PPP3CA: variants seen among roughly 807,000 people sequenced by gnomAD.
PPP3CA encodes protein phosphatase 3 catalytic subunit alpha, also known as CAM-PRP catalytic subunit.
PPP3CA carries 14 observed loss-of-function variants against 66.5 expected under a neutral mutation model. That is an observed-to-expected ratio of 0.21 (90% CI 0.14 to 0.33). PPP3CA has a LOEUF of 0.33. Among genes scored for constraint, PPP3CA ranks in the 10% least tolerant of loss-of-function variants. The pLI, the probability that PPP3CA is intolerant of heterozygous loss-of-function variation, is 1.00. For synonymous variants in PPP3CA, 232 were observed against 226.2 expected, an observed-to-expected ratio of 1.03 and a Z score of -0.23; for missense variants, 317 against 639.5, an observed-to-expected ratio of 0.50 and a Z score of 5.44.
chr4:101,093,185 T>C (rs1292257054), intron 6 of PPP3CA, among the ~76,000 whole-genome samples: 1 of 152,222 alleles, frequency 6.6e-6, no homozygotes, highest in African/African-American at 2.4e-5. Flanking sequence ...GGTTTTGATT[T>C]GCATTTCTCT....
chr4:101,201,222 T>C (rs930498705), intron 1 of PPP3CA, among the ~76,000 whole-genome samples: 6 of 152,240 alleles, frequency 3.9e-5, no homozygotes, highest in Non-Finnish European at 7.3e-5. Context: ...GACAGTGGTA[T>C]TCTAGACCCT....
intron 2 of PPP3CA, among the ~76,000 whole-genome samples, chr4:101,176,854 T>C (rs1024846986): frequency 2.0e-5 from 3 of 152,158 alleles, no homozygotes; most frequent in Non-Finnish European, 4.4e-5. Context: ...TCAATAGATA[T>C]ACGATATACT....
At chr4:101,153,447 A>C (rs772842705) in intron 2 of PPP3CA, among the ~76,000 whole-genome samples, 29 of 152,342 alleles carry the variant, frequency 1.9e-4, no homozygotes, top group Non-Finnish European at 4.3e-4. Flanking sequence ...AAGATTTCTG[A>C]AGATACTATA....
intron 1 of PPP3CA, among the ~76,000 whole-genome samples, chr4:101,196,463 A>G (rs1213851422): frequency 2.6e-5 from 4 of 152,118 alleles, no homozygotes; most frequent in Non-Finnish European, 5.9e-5. Flanking sequence ...TATACATCCA[A>G]CCATAACCAA....
intron 8 of PPP3CA, among the ~76,000 whole-genome samples, chr4:101,075,572 T>A (rs572853127): frequency 8.5e-5 from 13 of 152,336 alleles, no homozygotes; most frequent in Non-Finnish European, 1.5e-4. Flanking sequence ...TAGATTCTTT[T>A]GAAGCACAGG....
intron 2 of PPP3CA, among the ~76,000 whole-genome samples, chr4:101,155,777 T>A (rs556522980): frequency 3.3e-5 from 5 of 152,358 alleles, no homozygotes; most frequent in Admixed American, 3.3e-4. Flanking sequence ...TAATTTTTAT[T>A]TTAACTTGAA....
intron 2 of PPP3CA, among the ~76,000 whole-genome samples, chr4:101,150,358 A>G (rs1408519220): frequency 1.3e-5 from 2 of 152,216 alleles, no homozygotes; most frequent in African/African-American, 4.8e-5. Flanking sequence ...TCTAGGCAGT[A>G]TTGTGCAGTG....
At chr4:101,092,947 T>G (rs1730023770) in intron 6 of PPP3CA, among the ~76,000 whole-genome samples, 1 of 152,226 alleles carries the variant, frequency 6.6e-6, no homozygotes, top group Non-Finnish European at 1.5e-5. Context: ...AGTAGAATGA[T>G]ATATAATCCT....
At chr4:101,140,284 G>A (rs147610584) in intron 2 of PPP3CA, among the ~76,000 whole-genome samples, 171 of 152,244 alleles carry the variant, frequency 1.1e-3, no homozygotes, top group Non-Finnish European at 1.8e-3. Flanking sequence ...AGATTTTAGT[G>A]TATATCCATG....
In PPP3CA at chr4:101,213,015, C is replaced by T. The variant is rs185588789; in HGVS notation, c.59-16899G>A. 2.6e-5 allele frequency among the ~76,000 whole-genome samples: 4 copies of T among 152,194 alleles called. No homozygotes were observed. In the East Asian group the frequency reaches 5.8e-4, roughly 22 times the overall value. On this transcript the variant is annotated intron_variant, in intron 1 of 13. Coordinates refer to ENST00000394854, the MANE Select transcript of PPP3CA (RefSeq NM_000944.5). ...CAACATTTTTCCTATAAAACTCAGT[C>T]CTCCTGACACATCTTAAAGTATGTC...
chr4:101,322,293 C>G (rs1218607927), intron 1 of PPP3CA, among the ~76,000 whole-genome samples: 3 of 152,010 alleles, frequency 2.0e-5, no homozygotes, highest in Admixed American at 2.0e-4. Context: ...AGAGATACAG[C>G]CTTTGGGGTA....
chr4:101,175,387 T>C (rs555647974), intron 2 of PPP3CA, among the ~76,000 whole-genome samples: 2 of 152,294 alleles, frequency 1.3e-5, no homozygotes, highest in East Asian at 1.9e-4. Context: ...CCTTGTTAGC[T>C]GATGCATTTT....
intron 2 of PPP3CA, among the ~76,000 whole-genome samples, chr4:101,120,052 TAAGA>T (rs1188225705): frequency 6.6e-6 from 1 of 152,072 alleles, no homozygotes; most frequent in Admixed American, 6.6e-5. Flanking sequence ...GAAAATCTGT[TAAGA>T]AAAAGTGTTA....
chr4:101,235,264 A>G (rs536024565), intron 1 of PPP3CA, among the ~76,000 whole-genome samples: 1 of 151,992 alleles, frequency 6.6e-6, no homozygotes, highest in East Asian at 1.9e-4. Context: ...TTAGGAGTAA[A>G]TTTAAAGGAG....
At chr4:101,258,756 T>C (rs918617392) in intron 1 of PPP3CA, among the ~76,000 whole-genome samples, 3 of 152,116 alleles carry the variant, frequency 2.0e-5, no homozygotes, top group African/African-American at 7.2e-5. Context: ...AGCCTGGCTC[T>C]TCTCTCAAGC....
chr4:101,275,563 A>C (rs1200721674), intron 1 of PPP3CA, among the ~76,000 whole-genome samples: 2 of 152,354 alleles, frequency 1.3e-5, no homozygotes, highest in East Asian at 3.9e-4. Flanking sequence ...GGCTTATCTG[A>C]GAAAAACAAC....
chr4:101,141,929 A>G (rs1271060227), intron 2 of PPP3CA, among the ~76,000 whole-genome samples: 1 of 152,206 alleles, frequency 6.6e-6, no homozygotes, highest in Non-Finnish European at 1.5e-5. Flanking sequence ...TGGTAAATAT[A>G]ATCTCAGATT....
At chr4:101,120,167 G>A (rs767954529) in intron 2 of PPP3CA, among the ~76,000 whole-genome samples, 5 of 151,956 alleles carry the variant, frequency 3.3e-5, no homozygotes, top group African/African-American at 4.8e-5. Flanking sequence ...TCACTAGGTA[G>A]ATATTCCAGA....
chr4:101,198,621 C>G (rs1724873829), intron 1 of PPP3CA, among the ~76,000 whole-genome samples: 1 of 152,110 alleles, frequency 6.6e-6, no homozygotes, highest in African/African-American at 2.4e-5. Flanking sequence ...CCTGATTAAA[C>G]TTAAGATAGA....
Sources: gnomAD v4.1 joint callset for allele counts (sites outside exome capture counted in the v4.1 genomes callset) on GRCh38, gnomAD v4.1.1 for gene constraint, MANE v1.5 for transcripts, NCBI Gene and HGNC (gene_info 2026-07-23, HGNC 2026-07-21) for gene names.